Variants in PHF14 observed in about 807,000 individuals in gnomAD.
PHF14 encodes PHD finger protein 14.
Under a neutral mutation model 117.9 loss-of-function variants are expected in PHF14, and 55 were observed. That is an observed-to-expected ratio of 0.47 (90% CI 0.38 to 0.58). PHF14 has a LOEUF of 0.58. Ranked by LOEUF, PHF14 falls within the 20% of genes least tolerant of loss-of-function variation. The probability of loss-of-function intolerance (pLI) is 0.00; values close to 1 mark genes in which losing one functional copy is unlikely to be tolerated. For synonymous variants in PHF14, 409 were observed against 368.6 expected, an observed-to-expected ratio of 1.11 and a Z score of -1.26; for missense variants, 978 against 1,122.2, an observed-to-expected ratio of 0.87 and a Z score of 1.84.
At chr7:11,131,867 G>C (rs2128348870) in intron 17 of PHF14, among the ~76,000 whole-genome samples, 2 of 151,616 alleles carry the variant, frequency 1.3e-5, no homozygotes, top group South Asian at 4.2e-4. Context: ...GACATTTGGA[G>C]GTCCATATGG....
intron 17 of PHF14, among the ~76,000 whole-genome samples, chr7:11,150,802 T>G (rs2128353924): frequency 6.6e-6 from 1 of 152,292 alleles, no homozygotes; most frequent in East Asian, 1.9e-4. Flanking sequence ...TTCAGGCTAC[T>G]TAGATTCTAA....
chr7:10,978,615 G>A (rs1154920), intron 2 of PHF14, among the ~76,000 whole-genome samples: 52,578 of 152,032 alleles, frequency 0.35, 10,168 homozygotes, highest in Middle Eastern at 0.46. Flanking sequence ...CAACCTTGGC[G>A]CTATTGGCAT....
chr7:11,000,747 T>C (rs947411166), intron 4 of PHF14, among the ~76,000 whole-genome samples: 5 of 152,186 alleles, frequency 3.3e-5, no homozygotes, highest in African/African-American at 7.2e-5. Context: ...GTTCCTTGTA[T>C]ATTTTGGATA....
At chr7:11,146,956 C>G (rs1788564563) in intron 17 of PHF14, among the ~76,000 whole-genome samples, 1 of 152,132 alleles carries the variant, frequency 6.6e-6, no homozygotes, top group African/African-American at 2.4e-5. Context: ...AAGCAACTCT[C>G]CCTTCTCAGC....
At chr7:11,014,233 C>T (rs1783447493) in intron 5 of PHF14, among the ~76,000 whole-genome samples, 1 of 152,166 alleles carries the variant, frequency 6.6e-6, no homozygotes, top group Admixed American at 6.5e-5. Flanking sequence ...TTCAAGACCA[C>T]AAACTGGTGA....
intron 7 of PHF14, among the ~76,000 whole-genome samples, chr7:11,029,847 C>A (rs1441473427): frequency 6.6e-6 from 1 of 151,724 alleles, no homozygotes; most frequent in Admixed American, 6.6e-5. Flanking sequence ...CTAAGCCTCT[C>A]CTTGTTATGT....
chr7:11,016,404 G>T (rs2128316926), intron 5 of PHF14, among the ~76,000 whole-genome samples: 1 of 152,214 alleles, frequency 6.6e-6, no homozygotes, highest in East Asian at 1.9e-4. Flanking sequence ...CATCACATGA[G>T]ATTAATTAGA....
chr7:11,080,272 T>TA (rs1224600810), intron 16 of PHF14, among the ~76,000 whole-genome samples: 7 of 152,082 alleles, frequency 4.6e-5, no homozygotes, highest in Non-Finnish European at 7.4e-5. Flanking sequence ...CAATAAAATT[T>TA]AAAAAAAACT....
chr7:11,024,274 G>A (rs1783835310), intron 6 of PHF14, among the ~76,000 whole-genome samples: 2 of 152,120 alleles, frequency 1.3e-5, no homozygotes, highest in African/African-American at 4.8e-5. Flanking sequence ...TGGTTCATGA[G>A]GTTTAAGGAA....
intron 16 of PHF14, among the ~76,000 whole-genome samples, chr7:11,095,548 G>A (rs1440829055): frequency 6.6e-6 from 1 of 152,138 alleles, no homozygotes; most frequent in Non-Finnish European, 1.5e-5. Flanking sequence ...GAAGTAAATG[G>A]AAATAAGATC....
chr7:11,006,040 C>T (rs913347961), intron 4 of PHF14, among the ~76,000 whole-genome samples: 4 of 151,954 alleles, frequency 2.6e-5, no homozygotes, highest in Non-Finnish European at 5.9e-5. Flanking sequence ...GATCTGCCCA[C>T]CTCGGCCTCC....
At chr7:11,065,662 T>C (rs1478867136) in intron 16 of PHF14, among the ~76,000 whole-genome samples, 1 of 152,186 alleles carries the variant, frequency 6.6e-6, no homozygotes, top group Non-Finnish European at 1.5e-5. Context: ...AAATGATTAA[T>C]CTATGAAAAG....
chr7:11,094,629 T>C (rs1487599878), intron 16 of PHF14, among the ~76,000 whole-genome samples: 1 of 152,172 alleles, frequency 6.6e-6, no homozygotes, highest in Non-Finnish European at 1.5e-5. Context: ...ACCACAGGGT[T>C]CCTGGAAAAA....
At chr7:11,047,293 C>A (rs1784702280) in intron 13 of PHF14, among the ~76,000 whole-genome samples, 1 of 151,960 alleles carries the variant, frequency 6.6e-6, no homozygotes, top group South Asian at 2.1e-4. Context: ...TGGTCTCGAT[C>A]TCCTGACCTC....
chr7:11,041,347 T>A (rs927495558), intron 12 of PHF14, among the ~76,000 whole-genome samples: 24 of 151,914 alleles, frequency 1.6e-4, no homozygotes, highest in Admixed American at 5.9e-4. Flanking sequence ...CTTCTTTCCA[T>A]AAATAAATAG....
rs185767553 is a variant in PHF14 at position 11,168,581 on chromosome 7, G to A, written c.2773-835G>A. Among the ~76,000 whole-genome samples the A allele has an allele frequency of 2.6e-5, 4 of 152,242 alleles. No individual in the cohort carries two copies. The East Asian group carries it at 7.7e-4, about 29-fold the overall frequency. ...GTTGTCTAGAAATACTTAAATTGAT[G>A]TTTATGCTTTAATTAACTCAGAAGA... is the stretch of plus-strand genomic sequence containing the variant. On this transcript the variant is annotated intron_variant, in intron 17 of 17. Transcript: ENST00000634607.
At chr7:11,156,491 A>C (rs990105165) in intron 17 of PHF14, among the ~76,000 whole-genome samples, 1 of 152,122 alleles carries the variant, frequency 6.6e-6, no homozygotes, top group African/African-American at 2.4e-5. Context: ...CTTGGTAGTA[A>C]AGTTTTAGAA....
intron 4 of PHF14, among the ~76,000 whole-genome samples, chr7:10,995,829 C>T (rs1300757159): frequency 1.3e-5 from 2 of 152,214 alleles, no homozygotes; most frequent in Admixed American, 6.5e-5. Context: ...CTGGCAGTGC[C>T]CGCCAAGCCC....
At chr7:11,142,422 A>G (rs534137926) in intron 17 of PHF14, among the ~76,000 whole-genome samples, 1 of 152,196 alleles carries the variant, frequency 6.6e-6, no homozygotes, top group Admixed American at 6.5e-5. Context: ...GGACTAGGAA[A>G]TACAAATAGA....
Sources: allele counts gnomAD v4.1 joint callset (sites outside exome capture counted in the v4.1 genomes callset), GRCh38; gene constraint gnomAD v4.1.1; transcripts MANE v1.5; gene names NCBI Gene and HGNC (gene_info 2026-07-23, HGNC 2026-07-21).